The following LARP4B variants were observed in gnomAD, a reference collection of about 807,000 sequenced individuals.
LARP4B encodes la-related protein 4B.
Under a neutral mutation model 89.8 loss-of-function variants are expected in LARP4B, and 12 were observed. That is an observed-to-expected ratio of 0.13 (90% CI 0.09 to 0.22). The LOEUF is 0.22. LARP4B is among the 10% of genes least tolerant of loss of function. The pLI is 1.00. For missense variants in LARP4B, 757 were observed against 947.7 expected, an observed-to-expected ratio of 0.80 and a Z score of 2.64; for synonymous variants, 367 against 363.3, an observed-to-expected ratio of 1.01 and a Z score of -0.12.
intron 5 of LARP4B, among the ~76,000 whole-genome samples, chr10:846,096 T>C (rs752664659): frequency 3.7e-4 from 56 of 151,944 alleles, no homozygotes; most frequent in South Asian, 6.3e-4. Context: ...AAATGGAAAA[T>C]TGAAAACACA....
intron 11 of LARP4B, among the ~76,000 whole-genome samples, chr10:826,777 G>A (rs771513506): frequency 2.6e-5 from 4 of 152,120 alleles, no homozygotes; most frequent in African/African-American, 4.8e-5. Context: ...ACAGAGATAC[G>A]CATAGAGCCC....
At chr10:917,574 T>C (rs978815616) in intron 1 of LARP4B, among the ~76,000 whole-genome samples, 1 of 152,228 alleles carries the variant, frequency 6.6e-6, no homozygotes, top group Admixed American at 6.5e-5. Flanking sequence ...GGTACCTTGT[T>C]TACATGGCTC....
At chr10:849,688 G>C (rs1216167291) in intron 5 of LARP4B, among the ~76,000 whole-genome samples, 3 of 152,174 alleles carry the variant, frequency 2.0e-5, no homozygotes, top group Non-Finnish European at 2.9e-5. Context: ...TAACTTCATA[G>C]TGAGAAACCC....
the LARP4B span, among the ~76,000 whole-genome samples, chr10:963,522 C>T: frequency 3.9e-5 from 6 of 152,086 alleles, no homozygotes; most frequent in Non-Finnish European, 5.9e-5. Context: ...TGTCATAATT[C>T]CTCTGGTGTC....
At chr10:968,672 A>C in the LARP4B span, among the ~76,000 whole-genome samples, 16 of 152,258 alleles carry the variant, frequency 1.1e-4, no homozygotes, top group African/African-American at 3.6e-4. Flanking sequence ...GGTATCTCAA[A>C]GAGCGAACAT....
intron 1 of LARP4B, among the ~76,000 whole-genome samples, chr10:907,870 G>T (rs1836537144): frequency 1.3e-5 from 2 of 152,184 alleles, no homozygotes; most frequent in Admixed American, 6.5e-5. Context: ...GATCATCAAT[G>T]GCCAATGATT....
chr10:962,315 AAAAAAGAAT>A, the LARP4B span, among the ~76,000 whole-genome samples: 199 of 151,978 alleles, frequency 1.3e-3, 1 homozygote, highest in African/African-American at 4.7e-3. Flanking sequence ...AAAAAAAAAA[AAAAAAGAAT>A]ACCAATCCTT....
intron 5 of LARP4B, among the ~76,000 whole-genome samples, chr10:849,398 G>A (rs1833933446): frequency 6.6e-6 from 1 of 152,142 alleles, no homozygotes; most frequent in Admixed American, 6.5e-5. Flanking sequence ...ACTCCTGATG[G>A]CCAAAGCTAG....
At chr10:940,478 A>G in the LARP4B span, among the ~76,000 whole-genome samples, 2 of 152,146 alleles carry the variant, frequency 1.3e-5, no homozygotes, top group African/African-American at 2.4e-5. Flanking sequence ...TAGTAGAAAC[A>G]GCGTTTTGCC....
intron 3 of LARP4B, among the ~76,000 whole-genome samples, chr10:868,378 TAAA>T (rs35215345): frequency 8.1e-6 from 1 of 123,446 alleles, no homozygotes; most frequent in Non-Finnish European, 1.7e-5. Flanking sequence ...AAGATTTGCT[TAAA>T]AAAAAAAAAA....
chr10:868,115 C>T (rs1835009184), intron 3 of LARP4B, among the ~76,000 whole-genome samples: 1 of 151,832 alleles, frequency 6.6e-6, no homozygotes, highest in East Asian at 1.9e-4. Flanking sequence ...GTATAACTAC[C>T]GATACGAGAC....
chr10:835,196 T>C (rs1301528845), intron 8 of LARP4B, among the ~76,000 whole-genome samples: 3 of 152,208 alleles, frequency 2.0e-5, no homozygotes, highest in Admixed American at 2.0e-4. Context: ...AAGGTAAAAC[T>C]TGCTAGAATA....
chr10:867,510 T>A (rs912932669), intron 3 of LARP4B, among the ~76,000 whole-genome samples: 2 of 152,206 alleles, frequency 1.3e-5, no homozygotes, highest in African/African-American at 4.8e-5. Context: ...CTCCTACTAT[T>A]TCTATAAAAT....
the LARP4B span, among the ~76,000 whole-genome samples, chr10:950,024 C>A: frequency 6.6e-6 from 1 of 152,186 alleles, no homozygotes; most frequent in East Asian, 1.9e-4. Flanking sequence ...AATCCACCCT[C>A]CTTGGCCTTC....
intron 3 of LARP4B, among the ~76,000 whole-genome samples, chr10:868,755 G>A (rs898904399): frequency 1.3e-5 from 2 of 152,182 alleles, no homozygotes; most frequent in Non-Finnish European, 2.9e-5. Context: ...AAATAAAAGA[G>A]GTTGATGGAT....
Position 884,431 on chromosome 10 carries a change from C to T in LARP4B, c.141+16G>A, listed in dbSNP as rs774983463. ...TGTGATTAAAAAATCTGTGATTAATCTCAAAATTGAATTACCTGACTCAAA... is the reference window on the plus strand; with the variant it reads ...TGTGATTAAAAAATCTGTGATTAATTTCAAAATTGAATTACCTGACTCAAA... On this transcript the variant is annotated intron_variant, in intron 3 of 17. Coordinates refer to ENST00000316157, the MANE Select transcript of LARP4B (RefSeq NM_015155.3). The T allele has an allele frequency of 1.4e-5, 22 of 1,554,024 alleles. No individual in the cohort carries two copies. The African/African-American group carries it at 2.7e-4, about 19-fold the overall frequency.
chr10:926,245 G>A (rs1038564442), intron 1 of LARP4B, among the ~76,000 whole-genome samples: 6 of 152,242 alleles, frequency 3.9e-5, no homozygotes, highest in African/African-American at 1.4e-4. Context: ...GGTACACTTA[G>A]TTGCTACAGA....
chr10:946,849 A>C, the LARP4B span, among the ~76,000 whole-genome samples: 5 of 152,140 alleles, frequency 3.3e-5, no homozygotes, highest in African/African-American at 1.2e-4. Context: ...GAGAACTTCC[A>C]TACTTTTGAC....
chr10:893,442 G>A (rs1489314421), intron 1 of LARP4B, among the ~76,000 whole-genome samples: 1 of 152,110 alleles, frequency 6.6e-6, no homozygotes, highest in Non-Finnish European at 1.5e-5. Flanking sequence ...TAAACTCCAC[G>A]TGGTCATTTT....
Sources: allele counts gnomAD v4.1 joint callset (sites outside exome capture counted in the v4.1 genomes callset), GRCh38; gene constraint gnomAD v4.1.1; transcripts MANE v1.5; gene names NCBI Gene and HGNC (gene_info 2026-07-23, HGNC 2026-07-21).